NDST4: variants seen among roughly 807,000 people sequenced by gnomAD.
NDST4 encodes N-heparan sulfate sulfotransferase 4.
In NDST4, 63 loss-of-function variants were observed where a neutral mutation model predicts 100.8. The observed-to-expected ratio is 0.62, with a 90% CI of 0.51 to 0.77. The LOEUF (loss-of-function observed/expected upper bound fraction) is 0.77. Among genes scored for constraint, NDST4 ranks in the 30% least tolerant of loss-of-function variants. The probability of loss-of-function intolerance (pLI) is 0.00; values close to 1 mark genes in which losing one functional copy is unlikely to be tolerated. For synonymous variants in NDST4, 377 were observed against 361.8 expected (o/e 1.04, Z -0.48); for missense variants, 943 against 1,018.4 (o/e 0.93, Z 1.01).
intron 6 of NDST4, among the ~76,000 whole-genome samples, chr4:114,889,491 C>T (rs28401715): frequency 0.09 from 13,641 of 152,066 alleles, 1,788 homozygotes; most frequent in African/African-American, 0.29. Flanking sequence ...AACACTTTGG[C>T]GGAGATAATA....
At chr4:114,871,272 T>A (rs943505123) in intron 6 of NDST4, among the ~76,000 whole-genome samples, 2 of 152,120 alleles carry the variant, frequency 1.3e-5, no homozygotes, top group African/African-American at 4.8e-5. Flanking sequence ...AGAACCAATA[T>A]TAGACCAGTT....
intron 10 of NDST4, among the ~76,000 whole-genome samples, chr4:114,845,490 A>C (rs185418896): frequency 1.3e-5 from 2 of 152,208 alleles, no homozygotes; most frequent in Non-Finnish European, 2.9e-5. Context: ...GCTCTATGCC[A>C]TTCACCATGT....
rs182678503 is a variant in NDST4 at position 115,104,584 on chromosome 4, T to A, written c.-247+8860A>T. Among the ~76,000 whole-genome samples the A allele has an allele frequency of 4.0e-4, 61 of 152,264 alleles. 1 individual carries two copies. The highest frequency in any genetic ancestry group is 3.4e-3 in the Admixed American group (52 of 15,272). The stretch of plus-strand genomic sequence containing the variant: ...AAATAGAGGAAAACTATTTGGCCCC[T>A]TTTTCTAACATTTTTTTCTCTGGGA... On this transcript the variant is annotated intron_variant, in intron 1 of 13. Coordinates refer to ENST00000264363, the MANE Select transcript of NDST4 (RefSeq NM_022569.3).
rs140366463 is a variant in NDST4 at position 114,888,873 on chromosome 4, T to A, written c.1537-17923A>T. Among the ~76,000 whole-genome samples, 1,215 of 152,254 alleles carry A rather than the reference T, an allele frequency of 8.0e-3. 10 individuals carry two copies. Among genetic ancestry groups the A allele is most frequent in the South Asian group, 0.011 (51 of 4,826 alleles). On this transcript the variant is annotated intron_variant, in intron 6 of 13. Coordinates refer to ENST00000264363, the MANE Select transcript of NDST4 (RefSeq NM_022569.3). ...GTGGATTTTAATCACATAGTCATTC[T>A]CATTTTTTTTCTTATTTCACTTTTT...
intron 1 of NDST4, among the ~76,000 whole-genome samples, chr4:115,080,326 T>C (rs1578507164): frequency 1.3e-5 from 2 of 151,930 alleles, no homozygotes; most frequent in African/African-American, 4.8e-5. Context: ...TAGTAGAGAC[T>C]GGGTTTCACC....
At chr4:115,079,475 T>C (rs1388146142) in intron 1 of NDST4, among the ~76,000 whole-genome samples, 1 of 152,214 alleles carries the variant, frequency 6.6e-6, no homozygotes, top group African/African-American at 2.4e-5. Flanking sequence ...TGAATTACTT[T>C]CTATACAAGC....
chr4:114,978,875 G>C (rs943932865), intron 2 of NDST4, among the ~76,000 whole-genome samples: 17 of 151,894 alleles, frequency 1.1e-4, no homozygotes, highest in African/African-American at 4.1e-4. Flanking sequence ...CTGTGAAATG[G>C]GGTACTTCTG....
At chr4:115,063,092 T>C (rs1399428654) in intron 2 of NDST4, among the ~76,000 whole-genome samples, 1 of 151,946 alleles carries the variant, frequency 6.6e-6, no homozygotes, top group Admixed American at 6.6e-5. Flanking sequence ...GGAAAGGTGG[T>C]GGTATTATTC....
At position 114,958,722 on chromosome 4, in the gene NDST4, T is replaced by A. The variant is rs1726195289; in HGVS notation, c.1221+11708A>T. On this transcript the variant is annotated intron_variant, in intron 4 of 13. Coordinates refer to ENST00000264363, the MANE Select transcript of NDST4 (RefSeq NM_022569.3). The stretch of plus-strand genomic sequence containing the variant: ...GGTACTGGAGACGTTTTCCCCATTG[T>A]CTTGGTGATTAGCATTTGGTTCCTT... Among the ~76,000 whole-genome samples the A allele has an allele frequency of 1.3e-5, 2 of 152,200 alleles. 1 individual carries two copies. Among genetic ancestry groups the A allele is most frequent in the South Asian group, 4.1e-4 (2 of 4,830 alleles).
At chr4:115,098,394 T>C (rs1578519997) in intron 1 of NDST4, among the ~76,000 whole-genome samples, 1 of 152,134 alleles carries the variant, frequency 6.6e-6, no homozygotes, top group East Asian at 1.9e-4. Flanking sequence ...AGAGGGTGGA[T>C]TAAAGCCAGC....
rs1365968691 is a variant in NDST4, at chr4:115,076,378, C to T, written c.659G>A (p.Trp220Ter). The change falls in exon 2 of 14, where the codon TGG becomes TAG. Residue 220 changes from tryptophan to a stop codon, truncating the protein, a stop_gained. Transcript: ENST00000264363. LOFTEE classifies it high-confidence loss of function. ...VEKGPLPGED[W>*]TIFQYNHSTY... ...TGAATGATTATATTGGAAAATAGTC[C>T]AGTCTTCCCCAGGAAGAGGGCCTTT... 1 of 1,613,874 alleles carries T rather than the reference C, an allele frequency of 6.2e-7. No individual in the cohort carries two copies. Among genetic ancestry groups the T allele is most frequent in the Admixed American group, 1.7e-5 (1 of 59,970 alleles).
chr4:114,933,645 A>G (rs541822474), intron 6 of NDST4, among the ~76,000 whole-genome samples: 4 of 152,004 alleles, frequency 2.6e-5, no homozygotes, highest in African/African-American at 4.8e-5. Flanking sequence ...CAGGAACTCA[A>G]ACAACTTAAT....
intron 2 of NDST4, among the ~76,000 whole-genome samples, chr4:115,038,555 C>G (rs1436320934): frequency 1.3e-5 from 2 of 152,106 alleles, no homozygotes; most frequent in Non-Finnish European, 2.9e-5. Flanking sequence ...CCTGAGGTAC[C>G]CTATCTCTAA....
chr4:115,010,854 G>A (rs1490170750), intron 2 of NDST4, among the ~76,000 whole-genome samples: 3 of 152,118 alleles, frequency 2.0e-5, no homozygotes, highest in African/African-American at 7.2e-5. Flanking sequence ...AAATGAAGAT[G>A]CTAGGCACTT....
chr4:114,915,788 T>C (rs1352303547), intron 6 of NDST4, among the ~76,000 whole-genome samples: 1 of 151,144 alleles, frequency 6.6e-6, no homozygotes, highest in East Asian at 1.9e-4. Flanking sequence ...ATAGAAGCAA[T>C]GAGCTGAAGT....
At chr4:114,893,025 G>A (rs1560798771) in intron 6 of NDST4, among the ~76,000 whole-genome samples, 1 of 152,062 alleles carries the variant, frequency 6.6e-6, no homozygotes, top group Non-Finnish European at 1.5e-5. Flanking sequence ...TTAGTTTGCT[G>A]AGGATGATGG....
At chr4:114,961,820 A>G (rs2126236576) in intron 4 of NDST4, among the ~76,000 whole-genome samples, 1 of 152,190 alleles carries the variant, frequency 6.6e-6, no homozygotes, top group African/African-American at 2.4e-5. Context: ...AGCAAAGAAT[A>G]TTTCTCAATT....
chr4:114,939,023 C>T (rs1229188017), intron 4 of NDST4, among the ~76,000 whole-genome samples: 1 of 152,126 alleles, frequency 6.6e-6, no homozygotes, highest in Non-Finnish European at 1.5e-5. Flanking sequence ...TGGAAAAGTC[C>T]AGTAATAAAA....
chr4:115,080,426 T>A (rs1226016348), intron 1 of NDST4, among the ~76,000 whole-genome samples: 1 of 152,118 alleles, frequency 6.6e-6, no homozygotes, highest in Non-Finnish European at 1.5e-5. Context: ...CATGAGTGAC[T>A]ACGCCCAGCC....
Sources: allele counts gnomAD v4.1 joint callset (sites outside exome capture counted in the v4.1 genomes callset), GRCh38; gene constraint gnomAD v4.1.1; transcripts MANE v1.5; gene names NCBI Gene and HGNC (gene_info 2026-07-23, HGNC 2026-07-21).